Variants in ST8SIA1 observed in about 807,000 individuals in gnomAD.
ST8SIA1 encodes alpha-N-acetylneuraminide alpha-2,8-sialyltransferase.
ST8SIA1 carries 16 observed loss-of-function variants against 35.9 expected under a neutral mutation model. The observed-to-expected ratio is 0.45, with a 90% CI of 0.30 to 0.68. ST8SIA1 has a LOEUF of 0.68. ST8SIA1 is among the 30% of genes least tolerant of loss of function. The probability of loss-of-function intolerance (pLI) is 0.09; values close to 1 mark genes in which losing one functional copy is unlikely to be tolerated. For missense variants in ST8SIA1, 383 were observed against 453.6 expected (o/e 0.84, Z 1.41); for synonymous variants, 170 against 169.6 (o/e 1.00, Z -0.02).
At chr12:22,246,128 T>G (rs968118634) in intron 4 of ST8SIA1, among the ~76,000 whole-genome samples, 1 of 151,946 alleles carries the variant, frequency 6.6e-6, no homozygotes, top group Non-Finnish European at 1.5e-5. Context: ...AGCCAGTCAG[T>G]CAGAAGCTCC....
chr12:22,305,915 T>G (rs748762950), intron 1 of ST8SIA1, among the ~76,000 whole-genome samples: 1 of 152,218 alleles, frequency 6.6e-6, no homozygotes, highest in Non-Finnish European at 1.5e-5. Flanking sequence ...CTTGTGGTTT[T>G]GGGCAGTCTA....
chr12:22,306,921 T>C (rs1349045887), intron 1 of ST8SIA1, among the ~76,000 whole-genome samples: 2 of 152,218 alleles, frequency 1.3e-5, no homozygotes, highest in Non-Finnish European at 2.9e-5. Context: ...TTTGTTGATG[T>C]TTTAATTTCT....
intron 4 of ST8SIA1, among the ~76,000 whole-genome samples, chr12:22,228,741 G>T (rs1312636083): frequency 1.3e-5 from 2 of 152,098 alleles, no homozygotes; most frequent in South Asian, 4.1e-4. Context: ...TGGTGGGGAT[G>T]ATGACCCGAG....
intron 4 of ST8SIA1, among the ~76,000 whole-genome samples, chr12:22,246,564 G>A (rs549500110): frequency 3.0e-4 from 45 of 152,176 alleles, no homozygotes; most frequent in African/African-American, 7.7e-4. Flanking sequence ...GCCGGGGACC[G>A]GTCACTGGAA....
chr12:22,208,189 G>A (rs116238450), intron 4 of ST8SIA1, among the ~76,000 whole-genome samples: 266 of 150,258 alleles, frequency 1.8e-3, no homozygotes, highest in African/African-American at 5.9e-3. Flanking sequence ...ATCATCATAC[G>A]GGTCACACTG....
chr12:22,216,811 C>T (rs984079809), intron 4 of ST8SIA1, among the ~76,000 whole-genome samples: 16 of 152,082 alleles, frequency 1.1e-4, no homozygotes, highest in Non-Finnish European at 1.9e-4. Context: ...ATCTTTGTCA[C>T]AAAGTGCATT....
intron 1 of ST8SIA1, among the ~76,000 whole-genome samples, chr12:22,321,465 T>A (rs1464759229): frequency 1.3e-5 from 2 of 151,880 alleles, no homozygotes; most frequent in African/African-American, 4.8e-5. Flanking sequence ...GAGGGTGGAG[T>A]GGGCTCCACC....
chr12:22,333,919 G>A (rs894042985), intron 1 of ST8SIA1, 78 bp downstream of exon 1: 10 of 1,265,254 alleles, frequency 7.9e-6, no homozygotes, highest in Non-Finnish European at 1.0e-5. Flanking sequence ...GTGCAAGGCG[G>A]TCCTCGCCGG....
chr12:22,287,072 G>T, intron 2 of ST8SIA1, 77 bp downstream of exon 2: 1 of 1,385,264 alleles, frequency 7.2e-7, no homozygotes, highest in Non-Finnish European at 9.8e-7. Context: ...GATGAGTAAG[G>T]CAAACTCAAT....
At chr12:22,237,125 GC>G (rs138879888) in intron 4 of ST8SIA1, among the ~76,000 whole-genome samples, 50,898 of 151,938 alleles carry the variant, frequency 0.33, 9,297 homozygotes, top group East Asian at 0.54. Flanking sequence ...AAGAGATGGG[GC>G]CTCACTCTGT....
intron 2 of ST8SIA1, 135 bp downstream of exon 2, chr12:22,287,014 T>C (rs190102307): frequency 2.4e-4 from 190 of 784,222 alleles, no homozygotes; most frequent in African/African-American, 2.4e-3. Flanking sequence ...ATGACAGATA[T>C]AAAGAAAAAC....
intron 4 of ST8SIA1, among the ~76,000 whole-genome samples, chr12:22,242,502 T>C (rs996280384): frequency 1.3e-5 from 2 of 152,220 alleles, no homozygotes; most frequent in African/African-American, 4.8e-5. Flanking sequence ...AAGTCCGTAC[T>C]TGGCAACAAT....
intron 1 of ST8SIA1, among the ~76,000 whole-genome samples, chr12:22,299,854 T>C (rs192648927): frequency 1.6e-3 from 244 of 152,228 alleles, no homozygotes; most frequent in African/African-American, 5.8e-3. Flanking sequence ...CATATAAGGT[T>C]TTTCCCCTCA....
At chr12:22,243,204 G>C (rs1381029020) in intron 4 of ST8SIA1, among the ~76,000 whole-genome samples, 2 of 152,032 alleles carry the variant, frequency 1.3e-5, no homozygotes, top group Non-Finnish European at 2.9e-5. Context: ...TATAACTTCT[G>C]ATAGAATATT....
chr12:22,318,721 T>C (rs1866548653), intron 1 of ST8SIA1, among the ~76,000 whole-genome samples: 1 of 152,198 alleles, frequency 6.6e-6, no homozygotes, highest in South Asian at 2.1e-4. Flanking sequence ...AATATCAAAA[T>C]AGAATAAAGT....
Position 22,334,397 on chromosome 12 carries a change from G to A in ST8SIA1, c.-165C>T, listed in dbSNP as rs1055024457. 25 of 612,470 alleles carry A rather than the reference G, an allele frequency of 4.1e-5. No homozygotes were observed. In the East Asian group the frequency reaches 6.3e-4, roughly 16 times the overall value. 37.9% of individuals were successfully genotyped at this position (612,470 alleles called of 1,614,324 possible). On this transcript the variant is annotated 5_prime_UTR_variant, in exon 1 of 5. Transcript: ENST00000396037. ...TCGGCCCCGTCGGCCCCAAAGGTCAGCGCAAGGATTTTTTCAAATGCAACT... is the reference window on the plus strand; with the variant it reads ...TCGGCCCCGTCGGCCCCAAAGGTCAACGCAAGGATTTTTTCAAATGCAACT...
At chr12:22,254,584 G>A (rs559352810) in intron 3 of ST8SIA1, among the ~76,000 whole-genome samples, 4 of 152,154 alleles carry the variant, frequency 2.6e-5, no homozygotes, top group South Asian at 2.1e-4. Flanking sequence ...CCTTCTATAC[G>A]TGGCTGGTAA....
rs1219945295 is a variant in ST8SIA1 at position 22,198,763 on chromosome 12, G to A, written c.*2789C>T. 6.6e-6 allele frequency: 1 copy of A among 152,146 alleles called. No individual in the cohort carries two copies. Among genetic ancestry groups the A allele is most frequent in the Admixed American group, 6.6e-5 (1 of 15,264 alleles). The allele number at this position is 152,146 out of a possible 1,614,324, so 9.4% of individuals were successfully genotyped here. On this transcript the variant is annotated 3_prime_UTR_variant, in exon 5 of 5. Coordinates refer to ENST00000396037, the MANE Select transcript of ST8SIA1 (RefSeq NM_003034.4). The stretch of plus-strand genomic sequence containing the variant: ...TCTAATCCAGGTCTAATCCAGGTCT[G>A]AGATGTCAACCTTGATACTACTGAC...
chr12:22,280,016 T>C (rs1866015429), intron 2 of ST8SIA1, among the ~76,000 whole-genome samples: 1 of 152,222 alleles, frequency 6.6e-6, no homozygotes, highest in Non-Finnish European at 1.5e-5. Context: ...ACAAACACTC[T>C]GAAAACGTTC....
Sources: gnomAD v4.1 joint callset for allele counts (sites outside exome capture counted in the v4.1 genomes callset) on GRCh38, gnomAD v4.1.1 for gene constraint, MANE v1.5 for transcripts, NCBI Gene and HGNC (gene_info 2026-07-23, HGNC 2026-07-21) for gene names.